The following MAD1L1 variants were observed in gnomAD, a reference collection of about 807,000 sequenced individuals.
The protein encoded by MAD1L1 is mitotic arrest deficient 1 like 1.
Under a neutral mutation model 96.9 loss-of-function variants are expected in MAD1L1, and 95 were observed. The observed-to-expected ratio is 0.98, with a 90% CI of 0.83 to 1.16. The LOEUF (loss-of-function observed/expected upper bound fraction) is 1.16, where lower values mean the gene tolerates loss of function less well. Ranked by LOEUF, MAD1L1 falls within the 50% of genes most tolerant of loss-of-function variation. The probability of loss-of-function intolerance (pLI) is 0.00; values close to 1 mark genes in which losing one functional copy is unlikely to be tolerated. For synonymous variants in MAD1L1, 473 were observed against 396.6 expected (o/e 1.19, Z -2.29); for missense variants, 1,007 against 954.4 (o/e 1.06, Z -0.73).
chr7:1,887,829 A>AAGCATGCG (rs1391246572), intron 18 of MAD1L1, among the ~76,000 whole-genome samples: 7 of 23,000 alleles, frequency 3.0e-4, no homozygotes, highest in Admixed American at 1.2e-3. Flanking sequence ...GCATGTGTGC[A>AAGCATGCG]TGTATGTGGC....
At chr7:2,041,765 T>C (rs1194287547) in intron 12 of MAD1L1, among the ~76,000 whole-genome samples, 1 of 151,684 alleles carries the variant, frequency 6.6e-6, no homozygotes, top group African/African-American at 2.4e-5. Context: ...CCGAGAGGAG[T>C]AGAAAACTCC....
rs549352699 is a variant in MAD1L1, at chr7:1,853,444, C to G, written c.1999-37216G>C. ...TCATTCAACAAACACACGCTCAGCC[C>G]GGTCAGGCATCAGACGGCAGTGACA... On this transcript the variant is annotated intron_variant, in intron 18 of 18. Transcript: ENST00000265854. Among the ~76,000 whole-genome samples the G allele has an allele frequency of 3.3e-5, 5 of 152,292 alleles. No homozygotes were observed. The East Asian group carries it at 9.6e-4, about 29-fold the overall frequency.
At chr7:2,004,019 G>A (rs972724882) in intron 13 of MAD1L1, among the ~76,000 whole-genome samples, 2 of 152,102 alleles carry the variant, frequency 1.3e-5, no homozygotes, top group Admixed American at 6.5e-5. Flanking sequence ...GGGCACTCCC[G>A]GGGGCACAGG....
intron 18 of MAD1L1, chr7:1,854,495 C>T (rs1293062388): frequency 2.5e-6 from 1 of 400,710 alleles, no homozygotes; most frequent in Non-Finnish European, 5.0e-6. Flanking sequence ...GGTGATGGAG[C>T]TTTCTCACTG....
intron 18 of MAD1L1, chr7:1,854,390 G>T (rs750610630): frequency 3.4e-5 from 16 of 466,028 alleles, no homozygotes; most frequent in African/African-American, 3.0e-4. Flanking sequence ...TGGTCCACTC[G>T]GCCGCTGCAG....
At chr7:1,860,008 T>TC (rs1293681734) in intron 18 of MAD1L1, among the ~76,000 whole-genome samples, 15 of 135,556 alleles carry the variant, frequency 1.1e-4, no homozygotes, top group South Asian at 2.5e-4. Context: ...GCGGCCTCTG[T>TC]TCCCTAGACC....
intron 15 of MAD1L1, among the ~76,000 whole-genome samples, chr7:1,960,674 G>C (rs1396058021): frequency 6.6e-6 from 1 of 152,146 alleles, no homozygotes; most frequent in African/African-American, 2.4e-5. Flanking sequence ...AGAAATGCAG[G>C]GAGAAATAGA....
intron 16 of MAD1L1, among the ~76,000 whole-genome samples, chr7:1,951,817 C>G (rs1376699438): frequency 6.6e-6 from 1 of 152,192 alleles, no homozygotes; most frequent in Non-Finnish European, 1.5e-5. Flanking sequence ...ATGGAAGGAC[C>G]ACACTGTGTC....
At chr7:1,998,101 A>C (rs1308136136) in intron 14 of MAD1L1, among the ~76,000 whole-genome samples, 1 of 152,192 alleles carries the variant, frequency 6.6e-6, no homozygotes, top group Non-Finnish European at 1.5e-5. Context: ...CACAGGTTGA[A>C]AAGCAGCCAA....
intron 16 of MAD1L1, among the ~76,000 whole-genome samples, chr7:1,950,763 T>G (rs923171588): frequency 6.6e-6 from 1 of 152,100 alleles, no homozygotes; most frequent in African/African-American, 2.4e-5. Context: ...AAGCTCAGCA[T>G]GGGGGGAGCA....
chr7:1,820,485 C>T (rs1029652025), intron 18 of MAD1L1, among the ~76,000 whole-genome samples: 4 of 101,202 alleles, frequency 4.0e-5, no homozygotes, highest in African/African-American at 1.2e-4. Context: ...GCAATAAGGC[C>T]GGCCAGGAGC....
chr7:1,961,366 C>T (rs1004082776), intron 15 of MAD1L1, among the ~76,000 whole-genome samples: 4 of 152,240 alleles, frequency 2.6e-5, no homozygotes, highest in Non-Finnish European at 5.9e-5. Context: ...GTAATCACAA[C>T]AGTGCAGTAC....
chr7:1,912,422 CA>C (rs1788079910), intron 17 of MAD1L1, among the ~76,000 whole-genome samples: 1 of 152,238 alleles, frequency 6.6e-6, no homozygotes, highest in Admixed American at 6.5e-5. Context: ...CAGGTGTGGG[CA>C]CCAGGAGAGA....
At chr7:2,074,282 A>G (rs1785276870) in intron 11 of MAD1L1, among the ~76,000 whole-genome samples, 1 of 152,016 alleles carries the variant, frequency 6.6e-6, no homozygotes, top group African/African-American at 2.4e-5. Flanking sequence ...CGGCGGGTGC[A>G]GGTACTGAGG....
intron 17 of MAD1L1, among the ~76,000 whole-genome samples, chr7:1,928,315 AC>A (rs1444618387): frequency 1.3e-4 from 20 of 148,168 alleles, no homozygotes; most frequent in Admixed American, 2.7e-4. Flanking sequence ...GCTCCCGACG[AC>A]CCGCCGGTCC....
chr7:2,187,132 G>C (rs1444219875), intron 10 of MAD1L1, among the ~76,000 whole-genome samples: 1 of 151,996 alleles, frequency 6.6e-6, no homozygotes, highest in Non-Finnish European at 1.5e-5. Flanking sequence ...TGGATCACTT[G>C]AGGTCAGGAG....
chr7:1,817,589 CGTCAGGG>C (rs1781884079), intron 18 of MAD1L1: 1 of 152,194 alleles, frequency 6.6e-6, no homozygotes, highest in Admixed American at 6.5e-5. Flanking sequence ...TGGAGGGGCA[CGTCAGGG>C]CTCAGGGCCA....
chr7:2,113,870 C>T (rs1455251510), intron 11 of MAD1L1, among the ~76,000 whole-genome samples: 3 of 152,196 alleles, frequency 2.0e-5, no homozygotes, highest in African/African-American at 7.2e-5. Context: ...AAACACCAGC[C>T]CGTGCTCTCG....
intron 17 of MAD1L1, among the ~76,000 whole-genome samples, chr7:1,927,175 C>CA (rs1789136896): frequency 2.0e-5 from 3 of 150,710 alleles, no homozygotes; most frequent in East Asian, 3.9e-4. Context: ...GTATTTCTAA[C>CA]AAAAAAGGGG....
Sources: allele counts gnomAD v4.1 joint callset (sites outside exome capture counted in the v4.1 genomes callset), GRCh38; gene constraint gnomAD v4.1.1; transcripts MANE v1.5; gene names NCBI Gene and HGNC (gene_info 2026-07-23, HGNC 2026-07-21).